The following ZZEF1 variants were observed in gnomAD, a reference collection of about 807,000 sequenced individuals.
ZZEF1 encodes zinc finger ZZ-type and EF-hand domain-containing protein 1.
A neutral mutation model predicts 342.8 loss-of-function variants in ZZEF1; 157 were observed. The observed-to-expected ratio is 0.46, with a 90% CI of 0.40 to 0.52. The LOEUF is 0.52. ZZEF1 is among the 20% of genes least tolerant of loss of function. ZZEF1 has a pLI of 0.00. For missense variants in ZZEF1, 3,480 were observed against 3,725.6 expected (o/e 0.93, Z 1.72); for synonymous variants, 1,505 against 1,429.1 (o/e 1.05, Z -1.20).
chr17:4,021,161 C>T lies in ZZEF1; in HGVS notation c.7372G>A (p.Gly2458Ser). 6.2e-7 allele frequency: 1 copy of T among 1,613,924 alleles called. No homozygotes were observed. The highest frequency in any genetic ancestry group is 8.5e-7 in the Non-Finnish European group (1 of 1,179,876). The change falls in exon 45 of 55, where the codon GGC (glycine) becomes AGC (serine). Residue 2458 changes from glycine to serine, a missense_variant. This residue lies in a region of ZZEF1 where 1,269 missense variants were observed against 1,342.4 expected (regional missense o/e 0.95). Transcript: ENST00000381638. ...PEQKKLDPLE[G>S]LDEPTRICFL... is the part of the protein sequence containing the mutation. Reference sequence around the variant, plus strand: ...CATATTCTGGTGGGCTCATCCAGGCCCTCAAGGGGGTCCAGCTTTTTCTGC... The same window carrying T: ...CATATTCTGGTGGGCTCATCCAGGCTCTCAAGGGGGTCCAGCTTTTTCTGC...
chr17:4,086,748 G>GCAT lies in ZZEF1; in HGVS notation c.2343-96_2343-94dup. 6.2e-6 allele frequency: 8 copies of GCAT among 1,299,790 alleles called. No individual in the cohort carries two copies. In the South Asian group the frequency reaches 1.1e-4, roughly 18 times the overall value. 80.5% of individuals were successfully genotyped at this position (1,299,790 alleles called of 1,614,324 possible). On this transcript the variant is annotated intron_variant, in intron 14 of 54. Coordinates refer to ENST00000381638, the MANE Select transcript of ZZEF1 (RefSeq NM_015113.4). Reference sequence around the variant, plus strand: ...CTGTCTACAAAGGACTTTCCTCTAGGCATCAGGCTCGATGAAAATAATGCC... The same window carrying GCAT: ...CTGTCTACAAAGGACTTTCCTCTAGGCATCATCAGGCTCGATGAAAATAATGCC...
chr17:4,042,305 T>C, intron 39 of ZZEF1, 124 bp downstream of exon 39: 1 of 1,058,642 alleles, frequency 9.4e-7, no homozygotes, highest in Non-Finnish European at 1.4e-6. Flanking sequence ...AAAATAATTA[T>C]AACTTCTAAT....
At chr17:4,045,037 C>A (rs1411846482) in intron 37 of ZZEF1, among the ~76,000 whole-genome samples, 1 of 152,056 alleles carries the variant, frequency 6.6e-6, no homozygotes, top group African/African-American at 2.4e-5. Flanking sequence ...GCCTGTAATC[C>A]CAGCTACTCA....
intron 1 of ZZEF1, among the ~76,000 whole-genome samples, chr17:4,128,768 A>ATTT (rs71144169): frequency 2.0e-5 from 2 of 98,236 alleles, no homozygotes; most frequent in Admixed American, 1.1e-4. Flanking sequence ...GGCCAAAATC[A>ATTT]TTTTTTTTTT....
In ZZEF1 at chr17:4,008,574, A is replaced by C; in HGVS notation, c.8805+309T>G. On this transcript the variant is annotated intron_variant, in intron 54 of 54. Transcript: ENST00000381638. This position sits in a 1 kb window ranked among gnomAD's most constrained non-coding sequence, Gnocchi z 4.2. ...ACCAGAGAAGCAACTCACATCTAAA[A>C]ATATGTGAAATCTAACTCCACGGAA... The C allele has an allele frequency of 8.9e-7, 1 of 1,118,574 alleles. No individual in the cohort carries two copies. Among genetic ancestry groups the C allele is most frequent in the Non-Finnish European group, 1.1e-6 (1 of 913,748 alleles). 69.3% of individuals were successfully genotyped at this position (1,118,574 alleles called of 1,614,324 possible).
At chr17:4,082,732 A>G (rs376193343) in intron 16 of ZZEF1, among the ~76,000 whole-genome samples, 2 of 152,202 alleles carry the variant, frequency 1.3e-5, no homozygotes, top group African/African-American at 4.8e-5. Flanking sequence ...GCCAAAGTCA[A>G]CAGAAGGTTC....
chr17:4,102,395 G>T lies in ZZEF1; in HGVS notation c.1594C>A (p.Leu532Ile). ...LKYGKPLQLTLQACDVKGKED... is the reference protein window; with the variant it reads ...LKYGKPLQLTIQACDVKGKED... ...TTTCCTTTGACATCACATGCCTGAA[G>T]AGTCAACTGGAGAGGTTTACCTGAC... The change falls in exon 9 of 55, where the codon CTT becomes ATT. Residue 532 changes from leucine (L) to isoleucine (I), a missense_variant. By Grantham distance (5) the Leu-to-Ile change is conservative. Transcript: ENST00000381638. The T allele has an allele frequency of 6.2e-7, 1 of 1,613,700 alleles. No homozygotes were observed. The highest frequency in any genetic ancestry group is 1.1e-5 in the South Asian group (1 of 91,066).
intron 36 of ZZEF1, 36 bp from the exon 37 acceptor site, chr17:4,049,895 T>C: frequency 6.2e-7 from 1 of 1,602,468 alleles, no homozygotes; most frequent in South Asian, 1.1e-5. Flanking sequence ...GGTTAGAAGT[T>C]TTATAATGAG....
rs550026069 is a variant in ZZEF1 at position 4,011,306 on chromosome 17, G to A, written c.8580-1549C>T. 5.3e-5 allele frequency among the ~76,000 whole-genome samples: 8 copies of A among 152,240 alleles called. No individual in the cohort carries two copies. The South Asian group carries it at 1.2e-3, about 24-fold the overall frequency. ...TAGTCCCAGCTACTCAGGAGGCTGA[G>A]GGGAGGGGGGTCACTTCAGCTCGGG... On this transcript the variant is annotated intron_variant, in intron 52 of 54. Coordinates refer to ENST00000381638, the MANE Select transcript of ZZEF1 (RefSeq NM_015113.4).
In ZZEF1 at chr17:4,142,540, ACCT is replaced by A; in HGVS notation, c.353_354+1del. 1 of 1,590,708 alleles carries A rather than the reference ACCT, an allele frequency of 6.3e-7. No homozygotes were observed. The highest frequency in any genetic ancestry group is 8.5e-7 in the Non-Finnish European group (1 of 1,175,302). ...TCCCCGCAGTCGCCTGCCGGCCCTG[ACCT>A]CCTCGAACTGCTCGCTAGAGCAGCC... On this transcript the variant is annotated splice_donor_variant and coding_sequence_variant, in exon 1 of 55. Transcript: ENST00000381638. LOFTEE classifies it high-confidence loss of function.
At chr17:4,131,778 C>CA (rs925960603) in intron 1 of ZZEF1, among the ~76,000 whole-genome samples, 81 of 147,766 alleles carry the variant, frequency 5.5e-4, no homozygotes, top group African/African-American at 1.1e-3. Context: ...GACCCTGTCT[C>CA]AAAAAAAAAG....
At position 4,014,705 on chromosome 17, in the gene ZZEF1, G is replaced by C. The variant is rs1334977069; in HGVS notation, c.8146-190C>G. ...CAGACTGCAAATATGGTGCGAGGGA[G>C]GCACAGCGGGGCAGGCAACACGGGG... On this transcript the variant is annotated intron_variant, in intron 49 of 54. Transcript: ENST00000381638. This position sits in a 1 kb window ranked among gnomAD's most constrained non-coding sequence, Gnocchi z 4.4. Among the ~76,000 whole-genome samples the C allele has an allele frequency of 1.3e-5, 2 of 152,220 alleles. No individual in the cohort carries two copies. The highest frequency in any genetic ancestry group is 2.9e-5 in the Non-Finnish European group (2 of 68,038).
chr17:4,128,210 T>A (rs113672542), intron 1 of ZZEF1, among the ~76,000 whole-genome samples: 1 of 151,456 alleles, frequency 6.6e-6, no homozygotes, highest in African/African-American at 2.4e-5. Context: ...TAGCTGGGTG[T>A]GGTGGCGCGT....
chr17:4,060,072 C>T (rs2057251600), intron 30 of ZZEF1, among the ~76,000 whole-genome samples: 1 of 152,246 alleles, frequency 6.6e-6, no homozygotes, highest in South Asian at 2.1e-4. Context: ...CAAACACTAA[C>T]TCCCGTGTCC....
Position 4,019,731 on chromosome 17 carries a change from G to C in ZZEF1, c.7443C>G (p.Leu2481=), listed in dbSNP as rs1597765562. ...HDALNAPLHI[L]RAIYELQMKK... ...TCATCTGCAGTTCGTATATGGCCCG[G>C]AGAATGTGCAGAGGGGCATTGAGGG... The change falls in exon 46 of 55, where the codon CTC becomes CTG. Residue 2481 remains leucine, a synonymous_variant. Coordinates refer to ENST00000381638, the MANE Select transcript of ZZEF1 (RefSeq NM_015113.4). 2 of 1,612,474 alleles carry C rather than the reference G, an allele frequency of 1.2e-6. No homozygotes were observed. Among genetic ancestry groups the C allele is most frequent in the East Asian group, 4.5e-5 (2 of 44,746 alleles).
chr17:4,052,876 GC>G (rs113480056), intron 34 of ZZEF1, among the ~76,000 whole-genome samples: 20,348 of 150,134 alleles, frequency 0.14, 2,035 homozygotes, highest in African/African-American at 0.26. Context: ...CGGGAGGGCG[GC>G]GGGGGAGAAA....
At chr17:4,132,991 G>T (rs1306627039) in intron 1 of ZZEF1, among the ~76,000 whole-genome samples, 2 of 152,142 alleles carry the variant, frequency 1.3e-5, no homozygotes, top group Non-Finnish European at 2.9e-5. Flanking sequence ...GCAGGTGGGG[G>T]AAGAAGGAGG....
In ZZEF1 at chr17:4,044,290, C is replaced by A; in HGVS notation, c.6100G>T (p.Asp2034Tyr). ...GAAATTTGGGTCTGGCATGAAGGAT[C>A]CTTCGATAATGATACACCTTTATCT... Reference protein sequence around the residue: ...KADKGVSLSKDPSCQTQISDS... With the variant: ...KADKGVSLSKYPSCQTQISDS... Residue 2034 changes from aspartate (D) to tyrosine (Y), a missense_variant, in exon 38 of 55, where the codon GAT becomes TAT. Asp to Tyr is a radical substitution (Grantham distance 160). Transcript: ENST00000381638. 2 of 1,614,168 alleles carry A rather than the reference C, an allele frequency of 1.2e-6. No individual in the cohort carries two copies. Among genetic ancestry groups the A allele is most frequent in the Non-Finnish European group, 1.7e-6 (2 of 1,180,022 alleles).
chr17:4,136,018 C>T (rs867189910), intron 1 of ZZEF1, among the ~76,000 whole-genome samples: 8 of 114,024 alleles, frequency 7.0e-5, no homozygotes, highest in Non-Finnish European at 1.2e-4. Flanking sequence ...TTTTTTGAGA[C>T]GGTGTCTCGC....
Sources: gnomAD v4.1 joint callset for allele counts (sites outside exome capture counted in the v4.1 genomes callset) on GRCh38, gnomAD v4.1.1 for gene constraint, gnomAD v4.1.1 regional missense constraint, Gnocchi (gnomAD v3.1) non-coding constraint, MANE v1.5 for transcripts, NCBI Gene and HGNC (gene_info 2026-07-23, HGNC 2026-07-21) for gene names.